Variants in ITSN2 observed in about 807,000 individuals in gnomAD.
ITSN2 encodes intersectin 2.
ITSN2 carries 156 observed loss-of-function variants against 243.7 expected under a neutral mutation model. The observed-to-expected ratio is 0.64, with a 90% CI of 0.56 to 0.73. ITSN2 has a LOEUF of 0.73. Ranked by LOEUF, ITSN2 falls within the 30% of genes least tolerant of loss-of-function variation. The pLI is 0.00. For synonymous variants in ITSN2, 703 were observed against 699.9 expected (o/e 1.00, Z -0.07); for missense variants, 1,801 against 1,996.1 (o/e 0.90, Z 1.86).
chr2:24,252,855 C>G (rs940622055), intron 24 of ITSN2, among the ~76,000 whole-genome samples: 1 of 152,148 alleles, frequency 6.6e-6, no homozygotes, highest in Non-Finnish European at 1.5e-5. Flanking sequence ...CTCAGTTATT[C>G]AGATAATGGA....
intron 16 of ITSN2, among the ~76,000 whole-genome samples, chr2:24,285,667 T>C (rs1295268515): frequency 6.6e-6 from 1 of 152,248 alleles, no homozygotes; most frequent in African/African-American, 2.4e-5. Context: ...AGACAGTCTA[T>C]GTTTTGGACA....
chr2:24,245,593 C>G (rs1448303596), intron 29 of ITSN2, among the ~76,000 whole-genome samples: 1 of 152,080 alleles, frequency 6.6e-6, no homozygotes, highest in Non-Finnish European at 1.5e-5. Flanking sequence ...GATCTCCCAC[C>G]TCAGCCTCCC....
chr2:24,246,078 T>C (rs1348948618), intron 29 of ITSN2, 51 bp downstream of exon 29: 6 of 1,181,110 alleles, frequency 5.1e-6, no homozygotes, highest in African/African-American at 1.5e-5. Flanking sequence ...TGCAGTGCTG[T>C]ATATTGAAGT....
chr2:24,223,829 AAAGGAAAGAAACAAGAAAAAGAAAGAAAG>A (rs1284077997), intron 29 of ITSN2, among the ~76,000 whole-genome samples: 8 of 146,738 alleles, frequency 5.5e-5, no homozygotes, highest in African/African-American at 1.8e-4. Context: ...GAAGGGAAAA[AAAGGAAAGAAACAAGAAAAAGAAAGAAAG>A]AAAGGAAAGA....
At chr2:24,326,292 T>C (rs948356511) in intron 2 of ITSN2, among the ~76,000 whole-genome samples, 6 of 152,198 alleles carry the variant, frequency 3.9e-5, no homozygotes, top group African/African-American at 7.2e-5. Flanking sequence ...TATTGAATAG[T>C]CCATTTGTTC....
intron 31 of ITSN2, 58 bp from the exon 32 acceptor site, chr2:24,216,290 G>T: frequency 7.2e-7 from 1 of 1,393,692 alleles, no homozygotes; most frequent in Non-Finnish European, 9.7e-7. Context: ...GTAATTAAAG[G>T]ATGAATCCCA....
At chr2:24,346,906 C>G (rs1283676960) in intron 1 of ITSN2, among the ~76,000 whole-genome samples, 1 of 134,520 alleles carries the variant, frequency 7.4e-6, no homozygotes, top group East Asian at 2.2e-4. Flanking sequence ...GCTCTGTCAC[C>G]TAGGCTGGAG....
intron 31 of ITSN2, 57 bp downstream of exon 31, chr2:24,217,850 G>T: frequency 1.7e-6 from 2 of 1,194,788 alleles, no homozygotes; most frequent in Non-Finnish European, 1.2e-6. Context: ...TTTTGTGTGA[G>T]TCTCAGTCTG....
At chr2:24,260,191 G>C (rs1361821623) in intron 22 of ITSN2, among the ~76,000 whole-genome samples, 1 of 152,170 alleles carries the variant, frequency 6.6e-6, no homozygotes, top group Non-Finnish European at 1.5e-5. Context: ...AAAGAGCTGG[G>C]ATTATAGGCA....
chr2:24,334,452 A>G, intron 1 of ITSN2: 1 of 580,374 alleles, frequency 1.7e-6, no homozygotes, highest in South Asian at 1.5e-5. Context: ...TTGTTTGTTA[A>G]GAAGCACAGT....
chr2:24,337,508 G>A (rs2151891792), intron 1 of ITSN2, among the ~76,000 whole-genome samples: 1 of 149,380 alleles, frequency 6.7e-6, no homozygotes, highest in African/African-American at 2.5e-5. Context: ...GCACCACCAT[G>A]CCCAGCTAAT....
rs768086792 is a variant in ITSN2 at position 24,308,807 on chromosome 2, A to C, written c.654-51T>G. Reference sequence around the variant, plus strand: ...TTATGTTACTAAATAAAATATATTTAATTAAATTTTATAAGACCAAGGCAT... The same window carrying C: ...TTATGTTACTAAATAAAATATATTTCATTAAATTTTATAAGACCAAGGCAT... On this transcript the variant is annotated intron_variant, in intron 7 of 39. Transcript: ENST00000355123. 13 of 1,023,534 alleles carry C rather than the reference A, an allele frequency of 1.3e-5. No homozygotes were observed. The Admixed American group carries it at 2.2e-4, about 17-fold the overall frequency. 63.4% of individuals were successfully genotyped at this position (1,023,534 alleles called of 1,614,324 possible).
At chr2:24,207,119 T>C (rs1402992908) in intron 37 of ITSN2, among the ~76,000 whole-genome samples, 1 of 151,082 alleles carries the variant, frequency 6.6e-6, no homozygotes, top group African/African-American at 2.4e-5. Flanking sequence ...TGGGAGGCAA[T>C]AGGGAAGATA....
chr2:24,207,081 GT>G (rs1668970352), intron 37 of ITSN2, among the ~76,000 whole-genome samples: 1 of 152,160 alleles, frequency 6.6e-6, no homozygotes, highest in Non-Finnish European at 1.5e-5. Context: ...TGGGCCCTGA[GT>G]GTGGGGTAAG....
Position 24,338,487 on chromosome 2 carries a change from C to T in ITSN2, c.-33-10372G>A, listed in dbSNP as rs1197748311. ...AAGGCTGTGTCATGGGCCATGGTCA[C>T]TCATATTTGGCTCAGAATAAATCTC... On this transcript the variant is annotated intron_variant, in intron 1 of 39. Transcript: ENST00000355123. Among the ~76,000 whole-genome samples, 5 of 152,212 alleles carry T rather than the reference C, an allele frequency of 3.3e-5. No individual in the cohort carries two copies. The East Asian group carries it at 9.6e-4, about 29-fold the overall frequency.
intron 37 of ITSN2, among the ~76,000 whole-genome samples, 156 bp downstream of exon 37, chr2:24,208,081 G>A (rs1669093450): frequency 6.6e-6 from 1 of 152,032 alleles, no homozygotes; most frequent in African/African-American, 2.4e-5. Context: ...GAGGTTTGCA[G>A]TAGTAGCTTC....
At chr2:24,330,122 A>G (rs1189001676) in intron 1 of ITSN2, among the ~76,000 whole-genome samples, 1 of 152,234 alleles carries the variant, frequency 6.6e-6, no homozygotes, top group Non-Finnish European at 1.5e-5. Flanking sequence ...TCTGCATAAT[A>G]GCATGTGAAT....
chr2:24,312,510 A>C (rs1683379384), intron 4 of ITSN2, 135 bp from the exon 5 acceptor site: 2 of 513,268 alleles, frequency 3.9e-6, no homozygotes, highest in Non-Finnish European at 6.8e-6. Flanking sequence ...AAAATATCTA[A>C]CATGTAAAAT....
intron 1 of ITSN2, among the ~76,000 whole-genome samples, chr2:24,332,681 T>C (rs1685921086): frequency 6.6e-6 from 1 of 152,250 alleles, no homozygotes; most frequent in Non-Finnish European, 1.5e-5. Flanking sequence ...ATTACATTTC[T>C]ATTCTCTCTG....
Sources: allele counts gnomAD v4.1 joint callset (sites outside exome capture counted in the v4.1 genomes callset), GRCh38; gene constraint gnomAD v4.1.1; transcripts MANE v1.5; gene names NCBI Gene and HGNC (gene_info 2026-07-23, HGNC 2026-07-21).